The following ANKRD13C variants were observed in gnomAD, a reference collection of about 807,000 sequenced individuals.
The protein encoded by ANKRD13C is ankyrin repeat domain 13C, also known as ankyrin repeat domain-containing protein 13C.
In ANKRD13C, 16 loss-of-function variants were observed where a neutral mutation model predicts 65.5. The ratio of observed to expected loss-of-function variants is 0.24; its 90% confidence interval spans 0.17 to 0.37. The LOEUF (loss-of-function observed/expected upper bound fraction) is 0.37, where lower values mean the gene tolerates loss of function less well. ANKRD13C is among the 10% of genes least tolerant of loss of function. ANKRD13C has a pLI of 1.00. For synonymous variants in ANKRD13C, 235 were observed against 238.7 expected, an observed-to-expected ratio of 0.98 and a Z score of 0.14; for missense variants, 503 against 655.9, an observed-to-expected ratio of 0.77 and a Z score of 2.55.
intron 2 of ANKRD13C, among the ~76,000 whole-genome samples, chr1:70,326,369 C>T (rs540804906): frequency 2.7e-5 from 4 of 150,372 alleles, no homozygotes; most frequent in African/African-American, 4.9e-5. Flanking sequence ...GTATTGCTAT[C>T]GAAGAGCATA....
chr1:70,273,742 T>C (rs1208525241), intron 11 of ANKRD13C, among the ~76,000 whole-genome samples: 3 of 152,118 alleles, frequency 2.0e-5, no homozygotes, highest in Admixed American at 6.5e-5. Context: ...CTGCAACCTC[T>C]GCCTCCTTGG....
At chr1:70,305,485 C>A (rs1680548834) in intron 6 of ANKRD13C, among the ~76,000 whole-genome samples, 1 of 152,016 alleles carries the variant, frequency 6.6e-6, no homozygotes, top group African/African-American at 2.4e-5. Context: ...TACAGACACA[C>A]ACATACACAA....
intron 5 of ANKRD13C, among the ~76,000 whole-genome samples, chr1:70,308,825 T>A (rs1680710684): frequency 6.6e-6 from 1 of 152,122 alleles, no homozygotes; most frequent in African/African-American, 2.4e-5. Flanking sequence ...CTGATAGATT[T>A]TAATGCATTC....
intron 12 of ANKRD13C, among the ~76,000 whole-genome samples, chr1:70,269,640 C>A (rs1678789377): frequency 6.6e-6 from 1 of 151,896 alleles, no homozygotes. Context: ...ACTGATTTCT[C>A]CAAGTAGACA....
At chr1:70,343,827 C>A (rs915706913) in intron 1 of ANKRD13C, among the ~76,000 whole-genome samples, 1 of 152,144 alleles carries the variant, frequency 6.6e-6, no homozygotes, top group Non-Finnish European at 1.5e-5. Flanking sequence ...CATGAGCCAC[C>A]GCACCAGGCT....
intron 5 of ANKRD13C, among the ~76,000 whole-genome samples, 157 bp downstream of exon 5, chr1:70,313,588 T>C (rs1680941450): frequency 6.6e-6 from 1 of 151,904 alleles, no homozygotes; most frequent in South Asian, 2.1e-4. Context: ...CTAAATATTA[T>C]AGGGCTTTAT....
At chr1:70,293,639 T>C in intron 8 of ANKRD13C, 1 of 800,478 alleles carries the variant, frequency 1.2e-6, no homozygotes, top group African/African-American at 1.9e-5. Flanking sequence ...AAGAACAAAG[T>C]ACAAACAAAT....
chr1:70,296,105 T>C, intron 8 of ANKRD13C, 25 bp downstream of exon 8: 1 of 1,606,538 alleles, frequency 6.2e-7, no homozygotes, highest in Non-Finnish European at 8.5e-7. Context: ...ATGCTTAAAG[T>C]TTAAAAATCT....
intron 1 of ANKRD13C, among the ~76,000 whole-genome samples, chr1:70,336,767 G>A (rs192348844): frequency 7.7e-4 from 117 of 152,198 alleles, no homozygotes; most frequent in Non-Finnish European, 1.3e-3. Flanking sequence ...GTTATTATTA[G>A]TGGGGGTGAA....
chr1:70,333,482 C>T (rs1023622979), intron 2 of ANKRD13C, among the ~76,000 whole-genome samples: 1 of 152,310 alleles, frequency 6.6e-6, no homozygotes, highest in South Asian at 2.1e-4. Context: ...TCTCCTACCC[C>T]CAAATCTCAC....
chr1:70,315,996 A>G (rs537814536), intron 3 of ANKRD13C, among the ~76,000 whole-genome samples: 1 of 152,332 alleles, frequency 6.6e-6, no homozygotes, highest in South Asian at 2.1e-4. Context: ...AACTCATTCA[A>G]ATGATGCAAT....
rs74088045 is a variant in ANKRD13C at position 70,271,469 on chromosome 1, T to C, written c.1395-513A>G. ...CTTTTGGTTGGATGGATTTCTTTTT[T>C]AAGTAGTAGCATTTTTCTTTGAAAA... On this transcript the variant is annotated intron_variant, in intron 11 of 12. Coordinates refer to ENST00000370944, the MANE Select transcript of ANKRD13C (RefSeq NM_030816.5). 8.4e-3 allele frequency among the ~76,000 whole-genome samples: 1,274 copies of C among 152,334 alleles called. 20 individuals carry two copies. Among genetic ancestry groups the C allele is most frequent in the African/African-American group, 0.029 (1,214 of 41,562 alleles).
At chr1:70,342,738 TAA>T (rs1491376937) in intron 1 of ANKRD13C, among the ~76,000 whole-genome samples, 8 of 76,898 alleles carry the variant, frequency 1.0e-4, no homozygotes, top group Non-Finnish European at 2.3e-4. Context: ...ACACACACAA[TAA>T]CACACACACA....
At chr1:70,325,029 G>T in intron 2 of ANKRD13C, 72 bp from the exon 3 acceptor site, 1 of 1,040,174 alleles carries the variant, frequency 9.6e-7, no homozygotes, top group African/African-American at 1.6e-5. Flanking sequence ...ATATATAAAA[G>T]TTTAATAAAC....
At chr1:70,281,703 G>A (rs980071017) in intron 9 of ANKRD13C, among the ~76,000 whole-genome samples, 2 of 151,392 alleles carry the variant, frequency 1.3e-5, no homozygotes, top group Non-Finnish European at 2.9e-5. Flanking sequence ...CCATGCCCGG[G>A]TTAAATTCTA....
chr1:70,340,984 G>A (rs980060513), intron 1 of ANKRD13C, among the ~76,000 whole-genome samples: 8 of 152,038 alleles, frequency 5.3e-5, no homozygotes, highest in African/African-American at 1.4e-4. Context: ...GGTGGCGCAC[G>A]CCTGTAGGCC....
chr1:70,321,676 T>G (rs942906735), intron 3 of ANKRD13C, among the ~76,000 whole-genome samples: 1 of 152,184 alleles, frequency 6.6e-6, no homozygotes, highest in Non-Finnish European at 1.5e-5. Flanking sequence ...AAAAAGGCTT[T>G]TTAGTTGTAT....
intron 9 of ANKRD13C, among the ~76,000 whole-genome samples, chr1:70,281,974 T>C (rs940989923): frequency 6.6e-6 from 1 of 150,382 alleles, no homozygotes; most frequent in Admixed American, 6.6e-5. Flanking sequence ...CACTCCAGTA[T>C]GGGCAACAGA....
intron 12 of ANKRD13C, among the ~76,000 whole-genome samples, chr1:70,266,488 G>C (rs908605088): frequency 5.3e-5 from 8 of 152,156 alleles, no homozygotes; most frequent in Admixed American, 4.6e-4. Context: ...TGATCTAAAT[G>C]CCTAGCAAAC....
Sources: allele counts gnomAD v4.1 joint callset (sites outside exome capture counted in the v4.1 genomes callset), GRCh38; gene constraint gnomAD v4.1.1; transcripts MANE v1.5; gene names NCBI Gene and HGNC (gene_info 2026-07-23, HGNC 2026-07-21).